TOX3: variants seen among roughly 807,000 people sequenced by gnomAD.
TOX3 encodes TOX high mobility group box family member 3, also known as CAG trinucleotide repeat-containing gene F9 protein.
In TOX3, 22 loss-of-function variants were observed where a neutral mutation model predicts 64.3. That is an observed-to-expected ratio of 0.34 (90% CI 0.24 to 0.49). The LOEUF is 0.49. TOX3 is among the 20% of genes least tolerant of loss of function. The probability of loss-of-function intolerance (pLI) is 0.99; values close to 1 mark genes in which losing one functional copy is unlikely to be tolerated. For synonymous variants in TOX3, 291 were observed against 273.6 expected (o/e 1.06, Z -0.63); for missense variants, 661 against 714.4 (o/e 0.93, Z 0.85).
At chr16:52,447,907 T>C (rs1484305019) in intron 4 of TOX3, among the ~76,000 whole-genome samples, 1 of 152,178 alleles carries the variant, frequency 6.6e-6, no homozygotes, top group Non-Finnish European at 1.5e-5. Context: ...GCACTGTTAG[T>C]GCCACAATAC....
At chr16:52,527,918 G>T (rs1366975301) in intron 1 of TOX3, among the ~76,000 whole-genome samples, 2 of 152,174 alleles carry the variant, frequency 1.3e-5, no homozygotes, top group Non-Finnish European at 2.9e-5. Context: ...ACAACTGGGG[G>T]TGCTGCTGGC....
At chr16:52,500,107 T>A (rs1961961657) in intron 1 of TOX3, among the ~76,000 whole-genome samples, 1 of 152,214 alleles carries the variant, frequency 6.6e-6, no homozygotes, top group African/African-American at 2.4e-5. Flanking sequence ...GGTTTTCTCC[T>A]CCAAACAGAA....
chr16:52,466,430 C>T (rs993323887), intron 2 of TOX3, among the ~76,000 whole-genome samples: 1 of 152,056 alleles, frequency 6.6e-6, no homozygotes, highest in African/African-American at 2.4e-5. Context: ...CTAAAGACTT[C>T]CTGAATTAGT....
intron 1 of TOX3, among the ~76,000 whole-genome samples, chr16:52,524,898 C>A (rs1008263373): frequency 4.2e-4 from 64 of 152,114 alleles, no homozygotes; most frequent in African/African-American, 1.5e-3. Flanking sequence ...GGCTCACCCA[C>A]CCCAGTGTTC....
chr16:52,522,896 C>T (rs1300629374), intron 1 of TOX3, among the ~76,000 whole-genome samples: 2 of 152,280 alleles, frequency 1.3e-5, no homozygotes, highest in East Asian at 3.9e-4. Context: ...ATGTGCTATT[C>T]AAGCACTTCA....
At chr16:52,522,118 A>C (rs2151479301) in intron 1 of TOX3, among the ~76,000 whole-genome samples, 1 of 152,306 alleles carries the variant, frequency 6.6e-6, no homozygotes, top group African/African-American at 2.4e-5. Context: ...CACAAATATC[A>C]ATAGTATTCC....
intron 3 of TOX3, among the ~76,000 whole-genome samples, chr16:52,451,749 T>C (rs1450689906): frequency 1.3e-5 from 2 of 152,250 alleles, no homozygotes; most frequent in Admixed American, 1.3e-4. Flanking sequence ...TGAGAAGATC[T>C]ATCAAAGAAA....
At position 52,454,051 on chromosome 16, in the gene TOX3, A is replaced by C. The variant is rs1043529959; in HGVS notation, c.409-3505T>G. ...ATAAGAATGATTCCCCAGGCCCCCA[A>C]GCTAGCTAGTGAATGCTTGACAGAA... On this transcript the variant is annotated intron_variant, in intron 3 of 6. Transcript: ENST00000219746. Among the ~76,000 whole-genome samples, 4 of 152,138 alleles carry C rather than the reference A, an allele frequency of 2.6e-5. No homozygotes were observed. The East Asian group carries it at 5.8e-4, about 22-fold the overall frequency.
intron 1 of TOX3, among the ~76,000 whole-genome samples, chr16:52,530,924 A>C (rs921975917): frequency 6.6e-6 from 1 of 152,218 alleles, no homozygotes; most frequent in African/African-American, 2.4e-5. Context: ...GTCACCTGCC[A>C]TCTTGTACCT....
rs182712057 is a variant in TOX3, at chr16:52,529,290, T to C, written c.87+17347A>G. On this transcript the variant is annotated intron_variant, in intron 1 of 6. Transcript: ENST00000219746. ...AAATAAAGAATTGTATCCACCTTTA[T>C]AAAAAGACTAAAAGAAGAAGAGATA... Among the ~76,000 whole-genome samples, 69 of 152,276 alleles carry C rather than the reference T, an allele frequency of 4.5e-4. 2 individuals are homozygous for C. In the East Asian group the frequency reaches 0.012, roughly 26 times the overall value.
intron 6 of TOX3, among the ~76,000 whole-genome samples, chr16:52,442,453 C>T (rs1960027313): frequency 6.6e-6 from 1 of 152,110 alleles, no homozygotes; most frequent in Admixed American, 6.5e-5. Flanking sequence ...AGATCATATG[C>T]CTCCAAGTCC....
At chr16:52,476,112 A>T (rs1961199355) in intron 1 of TOX3, among the ~76,000 whole-genome samples, 1 of 152,182 alleles carries the variant, frequency 6.6e-6, no homozygotes, top group African/African-American at 2.4e-5. Flanking sequence ...GATGATAGGG[A>T]CATGCAACCA....
intron 1 of TOX3, among the ~76,000 whole-genome samples, chr16:52,509,162 A>G (rs1156800550): frequency 6.6e-6 from 1 of 152,224 alleles, no homozygotes; most frequent in Non-Finnish European, 1.5e-5. Flanking sequence ...AAAGCTATTT[A>G]TATATAGCTT....
At chr16:52,458,584 C>A (rs893494845) in intron 3 of TOX3, among the ~76,000 whole-genome samples, 2 of 152,184 alleles carry the variant, frequency 1.3e-5, no homozygotes, top group Admixed American at 6.5e-5. Flanking sequence ...CTTCTCATAA[C>A]ATTTTCCTTT....
chr16:52,507,001 A>G (rs1433964920), intron 1 of TOX3, among the ~76,000 whole-genome samples: 1 of 152,216 alleles, frequency 6.6e-6, no homozygotes, highest in East Asian at 1.9e-4. Flanking sequence ...AGCTGACAAC[A>G]AAACAGTGAT....
At chr16:52,493,684 C>T (rs1734014466) in intron 1 of TOX3, among the ~76,000 whole-genome samples, 1 of 152,162 alleles carries the variant, frequency 6.6e-6, no homozygotes, top group South Asian at 2.1e-4. Flanking sequence ...CTTAAAAACA[C>T]CGCCTAGTTT....
chr16:52,440,111 A>ACTC (rs1959918142), intron 6 of TOX3, 143 bp from the exon 7 acceptor site: 1 of 670,804 alleles, frequency 1.5e-6, no homozygotes, highest in African/African-American at 1.8e-5. Context: ...TTGTCTTGTG[A>ACTC]CTTTTTCACT....
intron 1 of TOX3, among the ~76,000 whole-genome samples, chr16:52,495,758 C>T (rs562999391): frequency 6.6e-6 from 1 of 152,234 alleles, no homozygotes; most frequent in East Asian, 1.9e-4. Context: ...GGCACTTGAT[C>T]CTAAAATTTC....
At chr16:52,518,719 T>C (rs893839751) in intron 1 of TOX3, among the ~76,000 whole-genome samples, 3 of 152,230 alleles carry the variant, frequency 2.0e-5, no homozygotes, top group African/African-American at 7.2e-5. Context: ...GAATACCTCA[T>C]AGTAATTTGG....
Sources: gnomAD v4.1 joint callset for allele counts (sites outside exome capture counted in the v4.1 genomes callset) on GRCh38, gnomAD v4.1.1 for gene constraint, MANE v1.5 for transcripts, NCBI Gene and HGNC (gene_info 2026-07-23, HGNC 2026-07-21) for gene names.